The following ZNF559 variants were observed in gnomAD, a reference collection of about 807,000 sequenced individuals.
ZNF559 encodes zinc finger protein 559, also known as putative protein product of Nbla00121.
ZNF559 carries 17 observed loss-of-function variants against 14.2 expected under a neutral mutation model. The ratio of observed to expected loss-of-function variants is 1.20; its 90% CI spans 0.82 to 1.80. ZNF559 has a LOEUF of 1.80. ZNF559 is among the 40% of genes most tolerant of loss of function. ZNF559 has a pLI of 0.00. For synonymous variants in ZNF559, 244 were observed against 212.4 expected (o/e 1.15, Z -1.29); for missense variants, 740 against 629.7 (o/e 1.18, Z -1.88).
chr19:9,339,511 T>C (rs2067426477), intron 5 of ZNF559, among the ~76,000 whole-genome samples, 192 bp downstream of exon 5: 2 of 152,154 alleles, frequency 1.3e-5, no homozygotes, highest in South Asian at 4.1e-4. Context: ...CTAGCTTTAT[T>C]TTCTCCATGG....
chr19:9,342,684 T>A lies in ZNF559; in HGVS notation c.1233T>A (p.Cys411Ter). Residue 411 changes from cysteine to a stop codon, truncating the protein, a stop_gained, in exon 7 of 7, where the codon TGT becomes TGA. Coordinates refer to ENST00000603380, the MANE Select transcript of ZNF559 (RefSeq NM_032497.3). LOFTEE classifies it low-confidence loss of function (END_TRUNC). The part of the protein sequence containing the change: ...QTHPGVKPYD[C>*]QQCGKAFIRS... ...ATCCTGGTGTAAAACCCTATGACTG[T>A]CAACAGTGTGGGAAAGCCTTCATTC... 2 of 1,614,116 alleles carry A rather than the reference T, an allele frequency of 1.2e-6. No homozygotes were observed. The highest frequency in any genetic ancestry group is 1.7e-6 in the Non-Finnish European group (2 of 1,180,020).
intron 2 of ZNF559, among the ~76,000 whole-genome samples, chr19:9,336,210 A>ATG (rs957430010): frequency 3.9e-5 from 6 of 151,930 alleles, no homozygotes; most frequent in Admixed American, 6.6e-5. Context: ...ATACATTTAT[A>ATG]TGTGTGTGTG....
At chr19:9,340,251 A>T (rs931171307) in intron 5 of ZNF559, among the ~76,000 whole-genome samples, 4 of 152,112 alleles carry the variant, frequency 2.6e-5, no homozygotes, top group African/African-American at 9.7e-5. Flanking sequence ...AACAGCCCTG[A>T]TCTATGAGAG....
Position 9,326,836 on chromosome 19 carries a change from A to G in ZNF559, c.-120+2056A>G, listed in dbSNP as rs1035578068. Among the ~76,000 whole-genome samples the G allele has an allele frequency of 5.3e-5, 8 of 152,230 alleles. No homozygotes were observed. In the East Asian group the frequency reaches 1.3e-3, roughly 26 times the overall value. ...AATTCTTGATCTGTATTTAGAGTTT[A>G]TAAAATTAACTATTGAAAAAGTAGA... On this transcript the variant is annotated intron_variant, in intron 2 of 6. Transcript: ENST00000603380.
At chr19:9,330,553 GTTGA>G (rs1220465835) in intron 2 of ZNF559, among the ~76,000 whole-genome samples, 2 of 151,352 alleles carry the variant, frequency 1.3e-5, no homozygotes, top group Non-Finnish European at 2.9e-5. Flanking sequence ...TTTTTATTTT[GTTGA>G]TTCTTCTGTT....
Position 9,344,625 on chromosome 19 carries a change from G to A in ZNF559, c.*1557G>A, listed in dbSNP as rs1038479938. The A allele has an allele frequency of 6.6e-6, 1 of 150,984 alleles. No homozygotes were observed. The highest frequency in any genetic ancestry group is 1.5e-5 in the Non-Finnish European group (1 of 67,880). The allele number at this position is 150,984 out of a possible 1,614,324, so 9.4% of individuals were successfully genotyped here. A position where few individuals can be genotyped will look rare whatever the true frequency, so the allele number is the denominator to read the frequency against. ...GATCGTGCCACTACACTCTAGCCTG[G>A]GCAACAGGATGAGACCCTGTCTCAA... On this transcript the variant is annotated 3_prime_UTR_variant, in exon 7 of 7. Transcript: ENST00000603380.
rs1375966985 is a variant in ZNF559 at position 9,342,991 on chromosome 19, A to G, written c.1540A>G (p.Ser514Gly). 3.1e-6 allele frequency: 5 copies of G among 1,614,118 alleles called. No homozygotes were observed. In the African/African-American group the frequency reaches 5.3e-5, roughly 17 times the overall value. The change falls in exon 7 of 7, where the codon AGT becomes GGT. Residue 514 changes from serine (S) to glycine (G), a missense_variant. Transcript: ENST00000603380. ...CACATATCTTATTCGACATCTAAGA[A>G]GTCATAGTGTGGAGAAACCATATAA... ...RSTYLIRHLRSHSVEKPYKEC... is the reference protein window; with the variant it reads ...RSTYLIRHLRGHSVEKPYKEC...
chr19:9,328,203 A>G (rs2066734231), intron 2 of ZNF559, among the ~76,000 whole-genome samples: 1 of 152,084 alleles, frequency 6.6e-6, no homozygotes, highest in Non-Finnish European at 1.5e-5. Flanking sequence ...GACTAGTATT[A>G]CTACCATTAC....
At chr19:9,325,233 C>T (rs562202154) in intron 2 of ZNF559, among the ~76,000 whole-genome samples, 95 of 149,726 alleles carry the variant, frequency 6.3e-4, no homozygotes, top group Middle Eastern at 4.0e-3. Context: ...TCGCTTGAGC[C>T]CAGGAATTTG....
At chr19:9,340,046 A>G (rs2067472608) in intron 5 of ZNF559, among the ~76,000 whole-genome samples, 1 of 148,204 alleles carries the variant, frequency 6.7e-6, no homozygotes. Flanking sequence ...TCGGCCTCCC[A>G]AAGTGCTCGG....
In ZNF559 at chr19:9,342,750, A is replaced by G; in HGVS notation, c.1299A>G (p.Ala433=). 2.5e-6 allele frequency: 4 copies of G among 1,614,202 alleles called. No homozygotes were observed. The highest frequency in any genetic ancestry group is 1.1e-5 in the South Asian group (1 of 91,088). The change falls in exon 7 of 7, where the codon GCA becomes GCG. Residue 433 remains alanine, a synonymous_variant. Transcript: ENST00000603380. ...TTCGACATTTGAGAAGTCACAGTGC[A>G]GAAAGGCCTTTTGAATGTGAGGAAT... ...FLIRHLRSHS[A]ERPFECEECG... is the part of the protein sequence containing the mutation.
chr19:9,343,276 C>T lies in ZNF559; in HGVS notation c.*208C>T, dbSNP rs1417007169. ...ATCTTGGCTCCTTCCATAGGCCTTA[C>T]TATTCATGTGTCTGTGCATCCTAGG... On this transcript the variant is annotated 3_prime_UTR_variant, in exon 7 of 7. Coordinates refer to ENST00000603380, the MANE Select transcript of ZNF559 (RefSeq NM_032497.3). 1 of 1,376,968 alleles carries T rather than the reference C, an allele frequency of 7.3e-7. No individual in the cohort carries two copies. The highest frequency in any genetic ancestry group is 9.4e-7 in the Non-Finnish European group (1 of 1,065,804). 85.3% of individuals were successfully genotyped at this position (1,376,968 alleles called of 1,614,324 possible). A position where few individuals can be genotyped will look rare whatever the true frequency, so the allele number is the denominator to read the frequency against.
chr19:9,339,833 A>C (rs1467539346), intron 5 of ZNF559, among the ~76,000 whole-genome samples: 2 of 143,350 alleles, frequency 1.4e-5, no homozygotes, highest in East Asian at 4.2e-4. Flanking sequence ...CAGTGGCGTG[A>C]TCTTGGCTCA....
intron 4 of ZNF559, among the ~76,000 whole-genome samples, chr19:9,338,958 A>G (rs1276449871): frequency 1.3e-5 from 2 of 152,232 alleles, no homozygotes; most frequent in Non-Finnish European, 2.9e-5. Flanking sequence ...AGAAGAAGTC[A>G]CAATCTAGTT....
Position 9,342,011 on chromosome 19 carries a change from G to T in ZNF559, c.560G>T (p.Cys187Phe). 1 of 1,610,722 alleles carries T rather than the reference G, an allele frequency of 6.2e-7. No homozygotes were observed. The highest frequency in any genetic ancestry group is 8.5e-7 in the Non-Finnish European group (1 of 1,179,100). Residue 187 changes from cysteine (C) to phenylalanine (F), a missense_variant, in exon 7 of 7, where the codon TGC (cysteine) becomes TTC (phenylalanine). Coordinates refer to ENST00000603380, the MANE Select transcript of ZNF559 (RefSeq NM_032497.3). ...KTHTQEKPYK[C>F]SDCEKGLPSS... ...CACACTCAAGAGAAACCATATAAAT[G>T]CAGTGACTGTGAAAAAGGCTTACCT...
In ZNF559 at chr19:9,342,089, A is replaced by G; in HGVS notation, c.638A>G (p.Tyr213Cys). 14 of 1,613,110 alleles carry G rather than the reference A, an allele frequency of 8.7e-6. No individual in the cohort carries two copies. Among genetic ancestry groups the G allele is most frequent in the Non-Finnish European group, 1.2e-5 (14 of 1,179,694 alleles). ...AGAATTTATGGTGGAGAGAGACCAT[A>G]TACTCATAAGGAGTATGTCGAAACC... ...CVRIYGGERP[Y>C]THKEYVETFS... Residue 213 changes from tyrosine to cysteine, a missense_variant, in exon 7 of 7, where the codon TAT becomes TGT. Tyr to Cys is a radical substitution (Grantham distance 194). Coordinates refer to ENST00000603380, the MANE Select transcript of ZNF559 (RefSeq NM_032497.3).
At chr19:9,324,415 A>C (rs2066449834) in intron 1 of ZNF559, 187 bp downstream of exon 1, 1 of 1,448,280 alleles carries the variant, frequency 6.9e-7, no homozygotes, top group Non-Finnish European at 9.0e-7. Context: ...GTCTGTCCTC[A>C]GGGGTCGAGG....
intron 2 of ZNF559, among the ~76,000 whole-genome samples, chr19:9,328,153 T>C (rs1209067720): frequency 6.6e-6 from 1 of 152,146 alleles, no homozygotes; most frequent in Non-Finnish European, 1.5e-5. Flanking sequence ...TGACTCCTAA[T>C]GACACTGATA....
At chr19:9,334,996 CATG>C (rs1358892865) in intron 2 of ZNF559, among the ~76,000 whole-genome samples, 2 of 152,012 alleles carry the variant, frequency 1.3e-5, no homozygotes, top group Non-Finnish European at 2.9e-5. Context: ...ATTAGCCAGG[CATG>C]GTGGTGGGCG....
Sources: gnomAD v4.1 joint callset for allele counts (sites outside exome capture counted in the v4.1 genomes callset) on GRCh38, gnomAD v4.1.1 for gene constraint, MANE v1.5 for transcripts, NCBI Gene and HGNC (gene_info 2026-07-23, HGNC 2026-07-21) for gene names.